Variants in SLC14A2 observed in about 807,000 individuals in gnomAD.
SLC14A2 encodes the protein solute carrier family 14 member 2, also known as urea transporter 2.
In SLC14A2, 91 loss-of-function variants were observed where a neutral mutation model predicts 104.6. The ratio of observed to expected loss-of-function variants is 0.87; its 90% CI spans 0.73 to 1.04. The LOEUF is 1.04. Ranked by LOEUF, SLC14A2 falls within the 50% of genes least tolerant of loss-of-function variation. The pLI, the probability that SLC14A2 is intolerant of heterozygous loss-of-function variation, is 0.00. For synonymous variants in SLC14A2, 476 were observed against 466.4 expected (o/e 1.02, Z -0.27); for missense variants, 1,189 against 1,156.0 (o/e 1.03, Z -0.41).
At chr18:45,295,240 G>C (rs1334921824) in intron 1 of SLC14A2, among the ~76,000 whole-genome samples, 1 of 151,978 alleles carries the variant, frequency 6.6e-6, no homozygotes, top group African/African-American at 2.4e-5. Flanking sequence ...TCTCAAACTT[G>C]TTCCCCATTG....
chr18:45,531,976 C>G (rs545669451), intron 2 of SLC14A2, among the ~76,000 whole-genome samples: 12 of 152,158 alleles, frequency 7.9e-5, no homozygotes, highest in East Asian at 5.8e-4. Flanking sequence ...CCCATTTCTT[C>G]TTTTTGTCAG....
At chr18:45,231,904 G>A (rs1276082772) in intron 1 of SLC14A2, among the ~76,000 whole-genome samples, 2 of 152,204 alleles carry the variant, frequency 1.3e-5, no homozygotes, top group Non-Finnish European at 1.5e-5. Context: ...AAATAAGTAT[G>A]TGTGTGAAAA....
intron 1 of SLC14A2, among the ~76,000 whole-genome samples, chr18:45,621,172 C>T (rs545675088): frequency 6.6e-6 from 1 of 152,284 alleles, no homozygotes; most frequent in Admixed American, 6.5e-5. Flanking sequence ...AGGGAGAGAG[C>T]GCATTGGAGA....
At chr18:45,315,427 A>G (rs193197429) in intron 1 of SLC14A2, among the ~76,000 whole-genome samples, 1 of 152,284 alleles carries the variant, frequency 6.6e-6, no homozygotes, top group African/African-American at 2.4e-5. Context: ...TTGGGATAAG[A>G]ACACTACCAT....
upstream of SLC14A2, among the ~76,000 whole-genome samples, chr18:45,611,697 G>C (rs1036054950): frequency 6.6e-6 from 1 of 152,218 alleles, no homozygotes; most frequent in Non-Finnish European, 1.5e-5. Context: ...CCAACACAAA[G>C]AGGTTGGGAA....
intron 1 of SLC14A2, among the ~76,000 whole-genome samples, chr18:45,300,239 G>A (rs2084955170): frequency 6.6e-6 from 1 of 152,148 alleles, no homozygotes; most frequent in African/African-American, 2.4e-5. Flanking sequence ...CCTATGTGTT[G>A]TATGTTTATC....
Position 45,409,356 on chromosome 18 carries a change from T to A in SLC14A2, c.-124-73877T>A, listed in dbSNP as rs888434. 3.1e-3 allele frequency among the ~76,000 whole-genome samples: 472 copies of A among 152,250 alleles called. 3 individuals carry two copies. The highest frequency in any genetic ancestry group is 5.6e-3 in the Non-Finnish European group (382 of 68,008). On this transcript the variant is annotated intron_variant, in intron 1 of 20. Transcript: ENST00000586448. Reference sequence around the variant, plus strand: ...GGCCACTGAAAATTGGTTCTGGGGGTCATGTCAATGCCTACGGCTACTCCG... The same window carrying A: ...GGCCACTGAAAATTGGTTCTGGGGGACATGTCAATGCCTACGGCTACTCCG...
chr18:45,583,035 GT>G (rs1185797787), intron 2 of SLC14A2, among the ~76,000 whole-genome samples: 1 of 152,216 alleles, frequency 6.6e-6, no homozygotes, highest in Non-Finnish European at 1.5e-5. Flanking sequence ...AGGCTTCAAG[GT>G]TAGATGTTCT....
intron 1 of SLC14A2, among the ~76,000 whole-genome samples, chr18:45,455,485 G>A (rs181761426): frequency 6.6e-6 from 1 of 152,026 alleles, no homozygotes; most frequent in East Asian, 1.9e-4. Flanking sequence ...CACACACCAG[G>A]ACCTGTCAGA....
In SLC14A2 at chr18:45,268,326, A is replaced by G. The variant is rs140956213; in HGVS notation, c.-125+55135A>G. On this transcript the variant is annotated intron_variant, in intron 1 of 20. Coordinates refer to the SLC14A2 transcript ENST00000586448. ...CCTCAAACTATAGGAGAAGTAGAAG[A>G]AAGACCACAAGTAGTTAAATGTTCG... 3.4e-3 allele frequency among the ~76,000 whole-genome samples: 513 copies of G among 152,374 alleles called. 2 individuals carry two copies. Among genetic ancestry groups the G allele is most frequent in the Middle Eastern group, 0.017 (5 of 294 alleles).
intron 1 of SLC14A2, among the ~76,000 whole-genome samples, chr18:45,319,290 T>A (rs2085161911): frequency 6.6e-6 from 1 of 152,206 alleles, no homozygotes; most frequent in African/African-American, 2.4e-5. Flanking sequence ...TTGTTATACA[T>A]ATCTGCCTTT....
chr18:45,559,167 A>AG (rs2044171784), intron 2 of SLC14A2, among the ~76,000 whole-genome samples: 1 of 152,166 alleles, frequency 6.6e-6, no homozygotes, highest in Non-Finnish European at 1.5e-5. Context: ...CAGTTCTCTC[A>AG]GGGGGCTCAT....
At chr18:45,644,281 G>A (rs1004431114) in intron 10 of SLC14A2, 121 bp downstream of exon 10, 104 of 889,468 alleles carry the variant, frequency 1.2e-4, no homozygotes, top group Middle Eastern at 4.7e-4. Context: ...TTGCACCTGT[G>A]TAGAACCAAG....
At chr18:45,553,749 A>G (rs1221421583) in intron 2 of SLC14A2, among the ~76,000 whole-genome samples, 1 of 152,228 alleles carries the variant, frequency 6.6e-6, no homozygotes, top group East Asian at 1.9e-4. Flanking sequence ...TTTCAAAACC[A>G]TAAGGCTTCA....
intron 1 of SLC14A2, among the ~76,000 whole-genome samples, chr18:45,458,436 C>T (rs574787111): frequency 6.6e-6 from 1 of 152,094 alleles, no homozygotes; most frequent in Non-Finnish European, 1.5e-5. Context: ...ACCCCACACT[C>T]GGGGTAACAC....
At chr18:45,389,337 T>A (rs1056052282) in intron 1 of SLC14A2, among the ~76,000 whole-genome samples, 76 of 152,324 alleles carry the variant, frequency 5.0e-4, no homozygotes, top group African/African-American at 1.7e-3. Flanking sequence ...ACAGAATCCA[T>A]CTACATCATT....
intron 2 of SLC14A2, among the ~76,000 whole-genome samples, chr18:45,579,008 T>C (rs546652746): frequency 6.6e-6 from 1 of 152,354 alleles, no homozygotes; most frequent in South Asian, 2.1e-4. Context: ...GACTCAGCTC[T>C]GCTCCATGTG....
chr18:45,390,792 T>C (rs955174450), intron 1 of SLC14A2, among the ~76,000 whole-genome samples: 1 of 152,218 alleles, frequency 6.6e-6, no homozygotes, highest in Non-Finnish European at 1.5e-5. Context: ...GATCGTATAA[T>C]GCTCACAATA....
At chr18:45,606,466 G>T (rs773830905) in intron 2 of SLC14A2, among the ~76,000 whole-genome samples, 11 of 152,060 alleles carry the variant, frequency 7.2e-5, no homozygotes, top group Non-Finnish European at 1.0e-4. Flanking sequence ...TACCATAAGA[G>T]CCACTACCTC....
Sources: gnomAD v4.1 joint callset for allele counts (sites outside exome capture counted in the v4.1 genomes callset) on GRCh38, gnomAD v4.1.1 for gene constraint, MANE v1.5 for transcripts, NCBI Gene and HGNC (gene_info 2026-07-23, HGNC 2026-07-21) for gene names.